The following TMEM245 variants were observed in gnomAD, a reference collection of about 807,000 sequenced individuals.
TMEM245 encodes the protein protein CG-2.
TMEM245 carries 69 observed loss-of-function variants against 101.2 expected under a neutral mutation model. The observed-to-expected ratio is 0.68, with a 90% CI of 0.56 to 0.83. The LOEUF is 0.83. Ranked by LOEUF, TMEM245 falls within the 40% of genes least tolerant of loss-of-function variation. The probability of loss-of-function intolerance (pLI) is 0.00; values close to 1 mark genes in which losing one functional copy is unlikely to be tolerated. For missense variants in TMEM245, 1,075 were observed against 1,092.8 expected, an observed-to-expected ratio of 0.98 and a Z score of 0.23; for synonymous variants, 537 against 449.8, an observed-to-expected ratio of 1.19 and a Z score of -2.45.
At chr9:109,060,914 T>C (rs779776547) in intron 10 of TMEM245, among the ~76,000 whole-genome samples, 124 of 152,346 alleles carry the variant, frequency 8.1e-4, no homozygotes, top group South Asian at 1.4e-3. Flanking sequence ...TGCTGAGAGA[T>C]GTCCGGTCTC....
chr9:109,025,305 C>CA (rs1245991066), intron 17 of TMEM245, among the ~76,000 whole-genome samples: 1 of 152,188 alleles, frequency 6.6e-6, no homozygotes, highest in African/African-American at 2.4e-5. Context: ...TTCCTGGACT[C>CA]AAACGATCGC....
intron 17 of TMEM245, among the ~76,000 whole-genome samples, chr9:109,032,185 T>C (rs1827963170): frequency 6.6e-6 from 1 of 152,088 alleles, no homozygotes; most frequent in African/African-American, 2.4e-5. Flanking sequence ...GTTATCATTG[T>C]ATCATTGGTT....
At chr9:109,070,751 G>T (rs534841397) in intron 9 of TMEM245, among the ~76,000 whole-genome samples, 1 of 152,238 alleles carries the variant, frequency 6.6e-6, no homozygotes, top group Non-Finnish European at 1.5e-5. Context: ...CCTCCCTAGA[G>T]CTCCACCCCA....
At chr9:109,076,470 C>T (rs12005117) in intron 8 of TMEM245, among the ~76,000 whole-genome samples, 21,824 of 151,236 alleles carry the variant, frequency 0.14, 1,806 homozygotes, top group African/African-American at 0.2. Flanking sequence ...ACATGGCACA[C>T]GTATACATAT....
chr9:109,043,828 A>G (rs1260935629), intron 14 of TMEM245, among the ~76,000 whole-genome samples: 2 of 152,176 alleles, frequency 1.3e-5, no homozygotes, highest in African/African-American at 4.8e-5. Flanking sequence ...ATTCCTGTCC[A>G]TTGGAAGGTA....
intron 17 of TMEM245, among the ~76,000 whole-genome samples, 174 bp from the exon 18 acceptor site, chr9:109,020,679 T>C (rs183007532): frequency 1.3e-5 from 2 of 152,346 alleles, no homozygotes; most frequent in Admixed American, 6.5e-5. Flanking sequence ...AAGAACTCCA[T>C]CTTTTTGCTG....
Position 109,033,454 on chromosome 9 carries a change from T to C in TMEM245, c.2447A>G (p.Tyr816Cys). ...LTGLAVAGGA[Y>C]YLGLEGAIIG... ...GATTGCTCCTTCCAGGCCTAGGTAG[T>C]ATGCTCCACCGGCCACTGCCAAGCC... The change falls in exon 17 of 18, where the codon TAC (tyrosine) becomes TGC (cysteine). Residue 816 changes from tyrosine (Y) to cysteine (C), a missense_variant. This residue lies in a region of TMEM245 where 267 missense variants were observed against 351.3 expected (regional missense o/e 0.76). Coordinates refer to ENST00000374586, the MANE Select transcript of TMEM245 (RefSeq NM_032012.4). 1 of 1,612,992 alleles carries C rather than the reference T, an allele frequency of 6.2e-7. No individual in the cohort carries two copies. Among genetic ancestry groups the C allele is most frequent in the Non-Finnish European group, 8.5e-7 (1 of 1,179,538 alleles).
intron 17 of TMEM245, among the ~76,000 whole-genome samples, chr9:109,021,877 AAAGT>A (rs112621998): frequency 0.15 from 22,330 of 152,106 alleles, 1,842 homozygotes; most frequent in African/African-American, 0.19. Flanking sequence ...AGTACAATAT[AAAGT>A]AAGTGTTCCA....
At chr9:109,108,087 ACAT>A (rs1486911319) in intron 2 of TMEM245, among the ~76,000 whole-genome samples, 1 of 152,068 alleles carries the variant, frequency 6.6e-6, no homozygotes, top group Non-Finnish European at 1.5e-5. Flanking sequence ...TCCAGAGTAA[ACAT>A]CTCTAGTTCC....
chr9:109,086,091 A>C, intron 6 of TMEM245, 71 bp from the exon 7 acceptor site: 1 of 1,507,698 alleles, frequency 6.6e-7, no homozygotes. Context: ...ATGCAACCAT[A>C]GTATGAAAAG....
chr9:109,073,844 CTTTTTTTTTTTGTT>C (rs1371491149), intron 8 of TMEM245, among the ~76,000 whole-genome samples: 1 of 121,584 alleles, frequency 8.2e-6, no homozygotes, highest in African/African-American at 3.1e-5. Flanking sequence ...AAGGAACTAA[CTTTTTTTTTTTGTT>C]TTTTTTTTTT....
intron 14 of TMEM245, among the ~76,000 whole-genome samples, chr9:109,049,570 T>C (rs575901725): frequency 6.6e-6 from 1 of 152,238 alleles, no homozygotes; most frequent in African/African-American, 2.4e-5. Context: ...CTTATGCCTG[T>C]AATCCCAGTA....
intron 14 of TMEM245, 179 bp from the exon 15 acceptor site, chr9:109,038,296 C>T: frequency 2.3e-6 from 1 of 436,842 alleles, no homozygotes; most frequent in Non-Finnish European, 4.0e-6. Context: ...AATACATTTA[C>T]TAAGTTATTC....
intron 12 of TMEM245, among the ~76,000 whole-genome samples, chr9:109,052,397 G>A (rs1233710983): frequency 1.3e-5 from 2 of 152,242 alleles, no homozygotes; most frequent in Non-Finnish European, 1.5e-5. Flanking sequence ...CTTAAATGTT[G>A]TGGGGCAGAA....
At chr9:109,081,315 G>A (rs1829660088) in intron 7 of TMEM245, among the ~76,000 whole-genome samples, 1 of 152,098 alleles carries the variant, frequency 6.6e-6, no homozygotes, top group Non-Finnish European at 1.5e-5. Flanking sequence ...TGTATCATCA[G>A]TTTAACAAAT....
intron 6 of TMEM245, among the ~76,000 whole-genome samples, chr9:109,086,617 A>G (rs1008921939): frequency 2.0e-5 from 3 of 152,232 alleles, no homozygotes; most frequent in African/African-American, 7.2e-5. Context: ...TACCTATTTT[A>G]CTGGTATGGA....
At chr9:109,107,377 C>CGAT (rs1240622559) in intron 2 of TMEM245, among the ~76,000 whole-genome samples, 1 of 146,194 alleles carries the variant, frequency 6.8e-6, no homozygotes, top group Non-Finnish European at 1.5e-5. Flanking sequence ...CCAGCCTGGG[C>CGAT]GATGGAGTGA....
intron 5 of TMEM245, 23 bp downstream of exon 5, chr9:109,090,899 A>C: frequency 6.2e-7 from 1 of 1,602,328 alleles, no homozygotes; most frequent in South Asian, 1.1e-5. Context: ...ACAAGACGAG[A>C]TCGTACTTAA....
chr9:109,119,194 G>C, intron 1 of TMEM245, 141 bp downstream of exon 1: 1 of 780,668 alleles, frequency 1.3e-6, no homozygotes, highest in East Asian at 3.3e-5. Context: ...TGAGGTGTGA[G>C]AAGGAAAGCG....
Sources: allele counts gnomAD v4.1 joint callset (sites outside exome capture counted in the v4.1 genomes callset), GRCh38; gene constraint gnomAD v4.1.1; regional missense constraint gnomAD v4.1.1; transcripts MANE v1.5; gene names NCBI Gene and HGNC (gene_info 2026-07-23, HGNC 2026-07-21).